The following COL5A2 variants were observed in gnomAD, a reference collection of about 807,000 sequenced individuals.
COL5A2 encodes collagen type V alpha 2 chain, also known as collagen alpha-2(V) chain.
COL5A2 carries 23 observed loss-of-function variants against 208.2 expected under a neutral mutation model. That is an observed-to-expected ratio of 0.11 (90% CI 0.08 to 0.16). The LOEUF (loss-of-function observed/expected upper bound fraction) is 0.16. COL5A2 is among the 10% of genes least tolerant of loss of function. The probability of loss-of-function intolerance (pLI) is 1.00; values close to 1 mark genes in which losing one functional copy is unlikely to be tolerated. For missense variants in COL5A2, 1,590 were observed against 1,956.4 expected (o/e 0.81, Z 3.53); for synonymous variants, 625 against 628.5 (o/e 0.99, Z 0.08).
chr2:189,357,645 G>A, the COL5A2 span, among the ~76,000 whole-genome samples: 9 of 152,002 alleles, frequency 5.9e-5, no homozygotes, highest in Non-Finnish European at 1.0e-4. Flanking sequence ...ATCTTAGCTT[G>A]CTGGGCTCAT....
At chr2:189,070,339 T>C (rs550671267) in intron 18 of COL5A2, among the ~76,000 whole-genome samples, 42 of 152,278 alleles carry the variant, frequency 2.8e-4, no homozygotes, top group East Asian at 3.9e-4. Flanking sequence ...TTTCACTTCA[T>C]TGAAATGCAA....
rs556610160 is a variant in COL5A2 at position 189,219,442 on chromosome 2, G to T, written c.-42+5706C>A. ...ATACCAAATTTATATTTGTAATTTT[G>T]TAGTTCTTTCCTTATAGAGAGTCTC... On this transcript the variant is annotated intron_variant, in intron 1 of 10. Coordinates refer to the COL5A2 transcript ENST00000649966. 2.5e-3 allele frequency among the ~76,000 whole-genome samples: 376 copies of T among 151,974 alleles called. 7 individuals carry two copies. Among genetic ancestry groups the T allele is most frequent in the Non-Finnish European group, 1.1e-3 (78 of 67,952 alleles).
At chr2:189,269,918 T>A in the COL5A2 span, among the ~76,000 whole-genome samples, 2 of 152,190 alleles carry the variant, frequency 1.3e-5, no homozygotes, top group Non-Finnish European at 2.9e-5. Flanking sequence ...CAGAACTTGT[T>A]ATTGGTCTAT....
In COL5A2 at chr2:189,092,745, G is replaced by A. The variant is rs56667101; in HGVS notation, c.457-325C>T. Among the ~76,000 whole-genome samples, 20,209 of 152,072 alleles carry A rather than the reference G, an allele frequency of 0.13. 1,372 individuals carry two copies. The highest frequency in any genetic ancestry group is 0.19 in the Middle Eastern group (56 of 294). ...TTCCTTATTTGATTGAGTTTTTGCC[G>A]TGCAAGGGTATTTGATCAACAATTA... On this transcript the variant is annotated intron_variant, in intron 6 of 53. Coordinates refer to ENST00000374866, the MANE Select transcript of COL5A2 (RefSeq NM_000393.5).
chr2:189,054,384 CT>C (rs1685857017), intron 35 of COL5A2, among the ~76,000 whole-genome samples, 172 bp from the exon 36 acceptor site: 1 of 152,176 alleles, frequency 6.6e-6, no homozygotes, highest in East Asian at 1.9e-4. Flanking sequence ...AGTTTTCTGT[CT>C]AGTTTAATAC....
chr2:189,403,575 G>A, the COL5A2 span, among the ~76,000 whole-genome samples: 8 of 152,038 alleles, frequency 5.3e-5, no homozygotes, highest in East Asian at 3.9e-4. Context: ...GGCTCTTGTC[G>A]TTTTGAGGTA....
At chr2:189,312,075 T>C in the COL5A2 span, 4 of 771,674 alleles carry the variant, frequency 5.2e-6, 1 homozygote, top group South Asian at 4.0e-5. Flanking sequence ...ATGGGCATTG[T>C]CGATCTGCAG....
the COL5A2 span, among the ~76,000 whole-genome samples, chr2:189,241,680 T>G: frequency 2.0e-5 from 3 of 152,290 alleles, no homozygotes. Context: ...AGCAAAACGT[T>G]GTTCGAGAAA....
At chr2:189,140,186 A>C (rs1576551450) in intron 1 of COL5A2, among the ~76,000 whole-genome samples, 1 of 152,342 alleles carries the variant, frequency 6.6e-6, no homozygotes, top group Admixed American at 6.5e-5. Flanking sequence ...ATAAGAATCA[A>C]AGTGTAAAAT....
the COL5A2 span, among the ~76,000 whole-genome samples, chr2:189,280,523 A>G: frequency 2.0e-4 from 30 of 152,126 alleles, no homozygotes; most frequent in Admixed American, 1.8e-3. Context: ...TTTGTATTAT[A>G]CAGGTCTTTA....
At chr2:189,421,134 A>AT in the COL5A2 span, among the ~76,000 whole-genome samples, 2 of 151,966 alleles carry the variant, frequency 1.3e-5, no homozygotes, top group East Asian at 1.9e-4. Context: ...ATTTCTTGCA[A>AT]TTTTTTTTAA....
the COL5A2 span, among the ~76,000 whole-genome samples, chr2:189,279,288 A>G: frequency 2.0e-5 from 3 of 151,980 alleles, no homozygotes; most frequent in Non-Finnish European, 4.4e-5. Context: ...GGCAATAATT[A>G]AGCTTATAAA....
intron 25 of COL5A2, 72 bp from the exon 26 acceptor site, chr2:189,064,105 T>G: frequency 8.0e-7 from 1 of 1,252,154 alleles, no homozygotes; most frequent in Non-Finnish European, 1.2e-6. Flanking sequence ...AGAGTAAAAA[T>G]AGTGTTGCAT....
At chr2:189,143,875 C>G (rs1687986810) in intron 1 of COL5A2, among the ~76,000 whole-genome samples, 2 of 152,044 alleles carry the variant, frequency 1.3e-5, no homozygotes, top group African/African-American at 4.8e-5. Flanking sequence ...AAAAATCCTA[C>G]AAGTGGTATA....
At chr2:189,428,246 TGG>T in the COL5A2 span, among the ~76,000 whole-genome samples, 71 of 152,286 alleles carry the variant, frequency 4.7e-4, 1 homozygote, top group African/African-American at 1.7e-3. Context: ...GACTGAATCA[TGG>T]GGGTGGTTTC....
At chr2:189,293,110 G>T in the COL5A2 span, among the ~76,000 whole-genome samples, 3 of 151,982 alleles carry the variant, frequency 2.0e-5, no homozygotes, top group African/African-American at 4.8e-5. Context: ...GTTGTGGGGT[G>T]GGGGGAGTGG....
chr2:189,103,456 A>C (rs1244455498), intron 3 of COL5A2, among the ~76,000 whole-genome samples: 2 of 152,070 alleles, frequency 1.3e-5, no homozygotes, highest in African/African-American at 2.4e-5. Context: ...AAAGTAAAGA[A>C]AATTTATGGA....
the COL5A2 span, among the ~76,000 whole-genome samples, chr2:189,335,896 T>C: frequency 6.6e-6 from 1 of 151,982 alleles, no homozygotes; most frequent in Non-Finnish European, 1.5e-5. Context: ...CTTTAAAGAG[T>C]GAATTTGATG....
chr2:189,390,422 A>T, the COL5A2 span, among the ~76,000 whole-genome samples: 1 of 152,196 alleles, frequency 6.6e-6, no homozygotes, highest in Non-Finnish European at 1.5e-5. Context: ...AGTAAAGGTA[A>T]ACTTGACTAG....
Sources: allele counts gnomAD v4.1 joint callset (sites outside exome capture counted in the v4.1 genomes callset), GRCh38; gene constraint gnomAD v4.1.1; transcripts MANE v1.5; gene names NCBI Gene and HGNC (gene_info 2026-07-23, HGNC 2026-07-21).